Variants in SNTG1 observed in about 807,000 individuals in gnomAD.
SNTG1 encodes gamma-1-syntrophin.
SNTG1 carries 39 observed loss-of-function variants against 74.7 expected under a neutral mutation model. That is an observed-to-expected ratio of 0.52 (90% CI 0.40 to 0.68). The LOEUF (loss-of-function observed/expected upper bound fraction) is 0.68, where lower values mean the gene tolerates loss of function less well. SNTG1 is among the 30% of genes least tolerant of loss of function. The pLI, the probability that SNTG1 is intolerant of heterozygous loss-of-function variation, is 0.00. For missense variants in SNTG1, 685 were observed against 609.5 expected (o/e 1.12, Z -1.30); for synonymous variants, 254 against 217.1 (o/e 1.17, Z -1.49).
chr8:50,684,725 T>G lies in SNTG1; in HGVS notation c.1039-19875T>G, dbSNP rs534140586. 2.9e-3 allele frequency among the ~76,000 whole-genome samples: 423 copies of G among 146,694 alleles called. 4 individuals are homozygous for G. Among genetic ancestry groups the G allele is most frequent in the Non-Finnish European group, 4.3e-3 (286 of 66,346 alleles). On this transcript the variant is annotated intron_variant, in intron 15 of 18. Transcript: ENST00000642720. ...CATTTTTCTTTTTTTTTGTTTTTGT[T>G]TTTGTTTTTTTTTTCTTTTTTTTTA...
intron 18 of SNTG1, chr8:50,762,427 A>G: frequency 3.9e-6 from 1 of 255,032 alleles, no homozygotes. Flanking sequence ...CTCTTAAAGT[A>G]TGGTGGACAT....
chr8:50,209,800 A>G (rs2084424615), intron 2 of SNTG1, among the ~76,000 whole-genome samples: 1 of 152,232 alleles, frequency 6.6e-6, no homozygotes, highest in South Asian at 2.1e-4. Context: ...GAAATTCTAA[A>G]AATCAGAATG....
intron 9 of SNTG1, among the ~76,000 whole-genome samples, chr8:50,524,792 G>C (rs1242480505): frequency 6.6e-6 from 1 of 152,072 alleles, no homozygotes; most frequent in East Asian, 1.9e-4. Flanking sequence ...TTTATGTAAG[G>C]GACTACAGCA....
intron 1 of SNTG1, among the ~76,000 whole-genome samples, chr8:49,922,536 C>T (rs1226549630): frequency 6.6e-6 from 1 of 151,948 alleles, no homozygotes; most frequent in African/African-American, 2.4e-5. Context: ...CTTTGTGAAG[C>T]TAACCCATGG....
intron 15 of SNTG1, among the ~76,000 whole-genome samples, chr8:50,701,694 CT>C (rs2095425369): frequency 6.9e-6 from 1 of 144,780 alleles, no homozygotes. Flanking sequence ...TCTTCTTTGC[CT>C]TCCTCTTCCT....
chr8:50,005,828 T>G (rs2130502556), intron 1 of SNTG1, among the ~76,000 whole-genome samples: 1 of 152,176 alleles, frequency 6.6e-6, no homozygotes, highest in Admixed American at 6.6e-5. Context: ...CTCTACTGTT[T>G]CCAATGGGTC....
In SNTG1 at chr8:50,565,190, A is replaced by C. The variant is rs185970303; in HGVS notation, c.810+12011A>C. On this transcript the variant is annotated intron_variant, in intron 12 of 18. Transcript: ENST00000642720. The stretch of plus-strand genomic sequence containing the variant: ...CTGACAATGTCTTCAAAAATAAGGA[A>C]AAATTAAACTGTTATAACCTAGAGA... 2.5e-3 allele frequency among the ~76,000 whole-genome samples: 375 copies of C among 152,178 alleles called. 4 individuals are homozygous for C. Among genetic ancestry groups the C allele is most frequent in the African/African-American group, 8.6e-3 (357 of 41,546 alleles).
chr8:50,795,497 A>G lies in SNTG1; in HGVS notation c.*2668A>G, dbSNP rs373690204. On this transcript the variant is annotated 3_prime_UTR_variant, in exon 19 of 19. Coordinates refer to ENST00000642720, the MANE Select transcript of SNTG1 (RefSeq NM_018967.5). The stretch of plus-strand genomic sequence containing the variant: ...CTAGTTTGTACATTAAGCACATTTT[A>G]ACAGCAAAATGCTAATGTGTTAACC... The G allele has an allele frequency of 1.3e-5, 2 of 152,028 alleles. No homozygotes were observed. The highest frequency in any genetic ancestry group is 4.8e-5 in the African/African-American group (2 of 41,424). 9.4% of individuals were successfully genotyped at this position (152,028 alleles called of 1,614,324 possible). A position where few individuals can be genotyped will look rare whatever the true frequency, so the allele number is the denominator to read the frequency against.
At chr8:50,328,144 G>C (rs1259925435) in intron 2 of SNTG1, among the ~76,000 whole-genome samples, 1 of 151,960 alleles carries the variant, frequency 6.6e-6, no homozygotes. Context: ...TCTTTATGCA[G>C]ATCCGAGTTT....
At chr8:50,552,093 C>T (rs1178351813) in intron 11 of SNTG1, among the ~76,000 whole-genome samples, 1 of 152,146 alleles carries the variant, frequency 6.6e-6, no homozygotes, top group African/African-American at 2.4e-5. Flanking sequence ...ATTTTGAATA[C>T]TGAATTGCAA....
chr8:50,712,537 T>A (rs1244425813), intron 17 of SNTG1, among the ~76,000 whole-genome samples: 1 of 152,180 alleles, frequency 6.6e-6, no homozygotes, highest in East Asian at 1.9e-4. Context: ...GTGCAAAACA[T>A]GCATGTTTGT....
At chr8:50,783,093 T>C (rs942941965) in intron 18 of SNTG1, among the ~76,000 whole-genome samples, 2 of 152,090 alleles carry the variant, frequency 1.3e-5, no homozygotes, top group African/African-American at 4.8e-5. Context: ...CCCGGCCGTG[T>C]GAGGTGTCAG....
At chr8:50,692,077 C>A (rs1171349497) in intron 15 of SNTG1, among the ~76,000 whole-genome samples, 1 of 152,224 alleles carries the variant, frequency 6.6e-6, no homozygotes, top group Admixed American at 6.5e-5. Flanking sequence ...ACGTAGCTCT[C>A]ATGCCTTGGT....
rs116527007 is a variant in SNTG1, at chr8:49,951,109, C to T, written c.-103+38878C>T. ...ATTTGGGGGGATAGTAAAATTGAGA[C>T]TAAGAAAGATTATATCTTTACTCTG... On this transcript the variant is annotated intron_variant, in intron 1 of 18. Transcript: ENST00000642720. 5.4e-3 allele frequency among the ~76,000 whole-genome samples: 814 copies of T among 152,148 alleles called. 11 individuals carry two copies. Among genetic ancestry groups the T allele is most frequent in the African/African-American group, 0.019 (772 of 41,526 alleles).
intron 8 of SNTG1, among the ~76,000 whole-genome samples, chr8:50,488,929 C>T (rs1242211863): frequency 6.6e-6 from 1 of 152,002 alleles, no homozygotes; most frequent in Non-Finnish European, 1.5e-5. Flanking sequence ...CCTCCCATAG[C>T]CCCCCACCCC....
At chr8:50,410,068 G>A (rs1249500842) in intron 4 of SNTG1, among the ~76,000 whole-genome samples, 1 of 152,176 alleles carries the variant, frequency 6.6e-6, no homozygotes, top group East Asian at 1.9e-4. Context: ...TCCTGAAGAT[G>A]ACTTTAAGAG....
At chr8:50,488,229 T>A (rs902368513) in intron 8 of SNTG1, among the ~76,000 whole-genome samples, 3 of 151,732 alleles carry the variant, frequency 2.0e-5, no homozygotes, top group Non-Finnish European at 1.5e-5. Flanking sequence ...AGGTTTTTTT[T>A]AAGAAATTCT....
chr8:49,919,704 TA>T (rs533212062), intron 1 of SNTG1, among the ~76,000 whole-genome samples: 3 of 152,048 alleles, frequency 2.0e-5, no homozygotes, highest in African/African-American at 4.8e-5. Context: ...TCATTGGGGA[TA>T]AAAAAATAGT....
chr8:49,994,923 TG>T (rs962018642), intron 1 of SNTG1, among the ~76,000 whole-genome samples: 3 of 152,164 alleles, frequency 2.0e-5, no homozygotes, highest in African/African-American at 7.2e-5. Context: ...AATGCCCTCA[TG>T]GGTCTTATAA....
Sources: gnomAD v4.1 joint callset for allele counts (sites outside exome capture counted in the v4.1 genomes callset) on GRCh38, gnomAD v4.1.1 for gene constraint, MANE v1.5 for transcripts, NCBI Gene and HGNC (gene_info 2026-07-23, HGNC 2026-07-21) for gene names.